The following HHLA1 variants were observed in gnomAD, a reference collection of about 807,000 sequenced individuals.
HHLA1 encodes HERV-H LTR-associating protein 1.
Under a neutral mutation model 69.9 loss-of-function variants are expected in HHLA1, and 72 were observed. The observed-to-expected ratio is 1.03, with a 90% CI of 0.85 to 1.25. The LOEUF (loss-of-function observed/expected upper bound fraction) is 1.25. HHLA1 is among the 50% of genes most tolerant of loss of function. The pLI is 0.00. For synonymous variants in HHLA1, 252 were observed against 233.2 expected, an observed-to-expected ratio of 1.08 and a Z score of -0.73; for missense variants, 685 against 642.2, an observed-to-expected ratio of 1.07 and a Z score of -0.72.
At chr8:132,064,317 C>T (rs1823401639) in intron 16 of HHLA1, among the ~76,000 whole-genome samples, 1 of 152,196 alleles carries the variant, frequency 6.6e-6, no homozygotes, top group Non-Finnish European at 1.5e-5. Context: ...CTGTATCTAA[C>T]GCATCTCTAG....
chr8:132,076,451 C>T (rs753601047), intron 13 of HHLA1, 24 bp downstream of exon 13: 5 of 1,480,842 alleles, frequency 3.4e-6, no homozygotes, highest in Admixed American at 2.0e-5. Flanking sequence ...CCCCAAACCC[C>T]CACTTCCGTA....
intron 1 of HHLA1, among the ~76,000 whole-genome samples, chr8:132,109,552 G>C (rs1394531465): frequency 5.3e-5 from 8 of 152,126 alleles, no homozygotes; most frequent in African/African-American, 1.9e-4. Flanking sequence ...ACAATGTATT[G>C]ATCCTCCCAT....
chr8:132,097,118 T>C (rs1824038204), intron 5 of HHLA1, among the ~76,000 whole-genome samples: 1 of 152,176 alleles, frequency 6.6e-6, no homozygotes, highest in Admixed American at 6.5e-5. Context: ...GAGACCCCAA[T>C]GCCATACACT....
At chr8:132,094,741 A>T in intron 7 of HHLA1, among the ~76,000 whole-genome samples, 1 of 151,564 alleles carries the variant, frequency 6.6e-6, no homozygotes, top group African/African-American at 2.4e-5. Flanking sequence ...ACATTTATTT[A>T]CTCCCTGCTC....
intron 14 of HHLA1, among the ~76,000 whole-genome samples, chr8:132,072,574 A>G (rs969121756): frequency 1.3e-5 from 2 of 152,176 alleles, no homozygotes; most frequent in African/African-American, 4.8e-5. Context: ...AGGTTATATT[A>G]CAATATTACT....
At chr8:132,107,188 C>T (rs1824215434) in intron 1 of HHLA1, among the ~76,000 whole-genome samples, 1 of 152,048 alleles carries the variant, frequency 6.6e-6, no homozygotes, top group African/African-American at 2.4e-5. Flanking sequence ...AGTAGAAAAA[C>T]AATTATTTAC....
intron 10 of HHLA1, among the ~76,000 whole-genome samples, chr8:132,082,712 C>T (rs1586728480): frequency 6.6e-6 from 1 of 152,024 alleles, no homozygotes; most frequent in Non-Finnish European, 1.5e-5. Context: ...GTGAAAAAAG[C>T]ATCTTTAAGA....
At position 132,076,488 on chromosome 8, in the gene HHLA1, T is replaced by A. The variant is rs1288501508; in HGVS notation, c.1227A>T (p.Arg409Ser). The change falls in exon 13 of 17, where the codon AGA becomes AGT. Residue 409 changes from arginine to serine, a missense_variant. Arg to Ser is a moderately radical substitution (Grantham distance 110). Coordinates refer to ENST00000414222, the MANE Select transcript of HHLA1 (RefSeq NM_001145095.3). ...TGAGTTTCTCACCTGTTTGTGGATA[T>A]CTGGGGGCTGTTGCCTTGGTTGGAC... Reference protein sequence around the residue: ...TPSPTKATAPRYPQTGDLSAE... With the variant: ...TPSPTKATAPSYPQTGDLSAE... 4.0e-6 allele frequency: 6 copies of A among 1,509,090 alleles called. No individual in the cohort carries two copies. The highest frequency in any genetic ancestry group is 2.6e-5 in the East Asian group (1 of 37,794). 93.5% of individuals were successfully genotyped at this position (1,509,090 alleles called of 1,614,324 possible).
intron 10 of HHLA1, 27 bp from the exon 11 acceptor site, chr8:132,079,993 T>A: frequency 6.4e-7 from 1 of 1,552,118 alleles, no homozygotes; most frequent in Non-Finnish European, 8.7e-7. Flanking sequence ...AATGGTAACA[T>A]TAACATGCTT....
rs1412851812 is a variant in HHLA1, at chr8:132,080,014, G to T, written c.677-48C>A. ...AACATTAACATGCTTGACACTTTGG[G>T]CATAAAAAAACTGAAAGGTCACTGG... On this transcript the variant is annotated intron_variant, in intron 10 of 16. Transcript: ENST00000414222. The T allele has an allele frequency of 5.8e-6, 9 of 1,551,196 alleles. 1 individual carries two copies. The highest frequency in any genetic ancestry group is 3.3e-4 in the Middle Eastern group (2 of 6,018).
intron 1 of HHLA1, among the ~76,000 whole-genome samples, chr8:132,106,036 G>C (rs951534971): frequency 3.9e-5 from 6 of 152,178 alleles, no homozygotes; most frequent in African/African-American, 1.4e-4. Context: ...AGCACTTTCT[G>C]TGTGCCAGAT....
chr8:132,103,243 T>TG (rs1216218229), intron 3 of HHLA1, among the ~76,000 whole-genome samples: 1 of 152,218 alleles, frequency 6.6e-6, no homozygotes, highest in Non-Finnish European at 1.5e-5. Flanking sequence ...AGCTGTTGGC[T>TG]GGGGGAGCAT....
Position 132,071,056 on chromosome 8 carries a change from A to G in HHLA1, c.1469+284T>C, listed in dbSNP as rs1823531841. 3.9e-5 allele frequency among the ~76,000 whole-genome samples: 6 copies of G among 152,092 alleles called. No homozygotes were observed. In the South Asian group the frequency reaches 1.0e-3, roughly 26 times the overall value. ...CTCAACTCATCACAACTCCAATTCA[A>G]CTCAACTCAACTCCAATTCAATTCA... is the stretch of plus-strand genomic sequence containing the variant. On this transcript the variant is annotated intron_variant, in intron 15 of 16. Coordinates refer to ENST00000414222, the MANE Select transcript of HHLA1 (RefSeq NM_001145095.3).
intron 7 of HHLA1, among the ~76,000 whole-genome samples, chr8:132,094,732 C>A (rs7844921): frequency 2.6e-5 from 4 of 152,136 alleles, no homozygotes; most frequent in Admixed American, 2.6e-4. Flanking sequence ...ACTTGCAGTA[C>A]ATTTATTTAC....
At chr8:132,070,144 A>G (rs1563739977) in intron 15 of HHLA1, 1 of 447,064 alleles carries the variant, frequency 2.2e-6, no homozygotes, top group Non-Finnish European at 4.0e-6. Context: ...TTTGAAAATA[A>G]CATTAAAGAC....
intron 1 of HHLA1, among the ~76,000 whole-genome samples, chr8:132,109,472 G>C (rs1646994927): frequency 6.6e-6 from 1 of 152,108 alleles, no homozygotes; most frequent in Non-Finnish European, 1.5e-5. Flanking sequence ...ACTTTTGTTA[G>C]TTTAATTTGC....
intron 10 of HHLA1, among the ~76,000 whole-genome samples, chr8:132,081,319 C>T (rs1823749652): frequency 6.6e-6 from 1 of 152,138 alleles, no homozygotes; most frequent in South Asian, 2.1e-4. Flanking sequence ...ATACAGGAGC[C>T]TAAATGGGCT....
chr8:132,083,362 A>G (rs1231179289), intron 10 of HHLA1, among the ~76,000 whole-genome samples: 1 of 152,010 alleles, frequency 6.6e-6, no homozygotes, highest in Non-Finnish European at 1.5e-5. Context: ...CAGGCCCTTG[A>G]AAAGAAGGTA....
intron 10 of HHLA1, among the ~76,000 whole-genome samples, chr8:132,083,324 C>T (rs1259585445): frequency 1.3e-5 from 2 of 151,920 alleles, no homozygotes; most frequent in Non-Finnish European, 2.9e-5. Context: ...GCCGTCAATA[C>T]CCACAACAGT....
Sources: gnomAD v4.1 joint callset for allele counts (sites outside exome capture counted in the v4.1 genomes callset) on GRCh38, gnomAD v4.1.1 for gene constraint, MANE v1.5 for transcripts, NCBI Gene and HGNC (gene_info 2026-07-23, HGNC 2026-07-21) for gene names.